Variants in FOXJ3 observed in about 807,000 individuals in gnomAD.
FOXJ3 encodes the protein forkhead box J3, also known as forkhead box protein J3.
In FOXJ3, 22 loss-of-function variants were observed where a neutral mutation model predicts 76.1. The observed-to-expected ratio is 0.29, with a 90% CI of 0.21 to 0.41. FOXJ3 has a LOEUF of 0.41. Among genes scored for constraint, FOXJ3 ranks in the 10% least tolerant of loss-of-function variants. The probability of loss-of-function intolerance (pLI) is 1.00; values close to 1 mark genes in which losing one functional copy is unlikely to be tolerated. For synonymous variants in FOXJ3, 269 were observed against 261.2 expected (o/e 1.03, Z -0.29); for missense variants, 613 against 762.1 (o/e 0.80, Z 2.30).
intron 3 of FOXJ3, among the ~76,000 whole-genome samples, chr1:42,268,603 C>T (rs548522722): frequency 5.3e-5 from 8 of 151,968 alleles, no homozygotes; most frequent in East Asian, 1.9e-4. Context: ...TAATTTATTA[C>T]GGAGTTTGGA....
At chr1:42,204,378 T>C (rs1372979778) in intron 6 of FOXJ3, among the ~76,000 whole-genome samples, 4 of 152,152 alleles carry the variant, frequency 2.6e-5, no homozygotes, top group African/African-American at 7.2e-5. Flanking sequence ...TATTCTGTCA[T>C]ATCTGGATGC....
chr1:42,181,533 C>G (rs926809883), intron 12 of FOXJ3, among the ~76,000 whole-genome samples: 1 of 152,158 alleles, frequency 6.6e-6, no homozygotes, highest in Non-Finnish European at 1.5e-5. Flanking sequence ...CTTAGAGAGG[C>G]AAGACAATAA....
intron 5 of FOXJ3, among the ~76,000 whole-genome samples, chr1:42,209,888 G>A (rs1395871545): frequency 6.6e-6 from 1 of 152,198 alleles, no homozygotes; most frequent in African/African-American, 2.4e-5. Flanking sequence ...AGGGGCAAGT[G>A]AGAAGTGTGC....
chr1:42,291,178 T>G (rs1402696833), intron 2 of FOXJ3, among the ~76,000 whole-genome samples: 1 of 152,132 alleles, frequency 6.6e-6, no homozygotes, highest in Non-Finnish European at 1.5e-5. Context: ...TTCAAAAAAT[T>G]ATGTTGAAAC....
intron 1 of FOXJ3, among the ~76,000 whole-genome samples, chr1:42,322,074 T>A (rs746899308): frequency 1.3e-5 from 2 of 151,218 alleles, no homozygotes; most frequent in African/African-American, 2.4e-5. Context: ...AAAAAAAAAA[T>A]CTAGCAGATA....
chr1:42,269,255 G>A (rs947975164), intron 3 of FOXJ3, among the ~76,000 whole-genome samples: 1 of 152,028 alleles, frequency 6.6e-6, no homozygotes, highest in East Asian at 1.9e-4. Context: ...AAAAAAGAAA[G>A]AGGCATCAGA....
At chr1:42,198,472 A>G (rs925953460) in intron 7 of FOXJ3, among the ~76,000 whole-genome samples, 2 of 152,208 alleles carry the variant, frequency 1.3e-5, no homozygotes, top group Non-Finnish European at 2.9e-5. Flanking sequence ...TGTGGTGTGT[A>G]GCTCTTGGGC....
chr1:42,324,626 G>A (rs1009601198), intron 1 of FOXJ3, among the ~76,000 whole-genome samples: 6 of 152,010 alleles, frequency 3.9e-5, no homozygotes, highest in African/African-American at 1.4e-4. Context: ...ACACACCCAT[G>A]CTATATGGTA....
At chr1:42,235,383 C>G (rs1345406951) in intron 4 of FOXJ3, among the ~76,000 whole-genome samples, 2 of 152,184 alleles carry the variant, frequency 1.3e-5, no homozygotes, top group Admixed American at 1.3e-4. Context: ...TGCTTCGGCT[C>G]ACGCTCGGTG....
intron 2 of FOXJ3, among the ~76,000 whole-genome samples, chr1:42,297,387 A>G (rs576378576): frequency 6.6e-6 from 1 of 152,286 alleles, no homozygotes; most frequent in East Asian, 1.9e-4. Flanking sequence ...CCCTTTCAAC[A>G]TGATGTTGTC....
At chr1:42,325,260 T>G (rs1184722100) in intron 1 of FOXJ3, among the ~76,000 whole-genome samples, 2 of 152,138 alleles carry the variant, frequency 1.3e-5, no homozygotes, top group Admixed American at 6.6e-5. Flanking sequence ...TTCCTTAAAT[T>G]TTCAGTATTT....
At chr1:42,294,663 G>A (rs1344885012) in intron 2 of FOXJ3, among the ~76,000 whole-genome samples, 1 of 150,758 alleles carries the variant, frequency 6.6e-6, no homozygotes, top group Admixed American at 6.7e-5. Flanking sequence ...TTGGGAGGCT[G>A]AGGCAGGAGA....
At chr1:42,290,255 A>G (rs1653333794) in intron 2 of FOXJ3, among the ~76,000 whole-genome samples, 1 of 152,154 alleles carries the variant, frequency 6.6e-6, no homozygotes. Context: ...AAAAATAAGT[A>G]GGAATAAGTT....
chr1:42,254,715 CA>C (rs1349831243), intron 4 of FOXJ3, among the ~76,000 whole-genome samples: 5 of 141,798 alleles, frequency 3.5e-5, no homozygotes, highest in Non-Finnish European at 1.5e-5. Flanking sequence ...ATCGCAAGGA[CA>C]AAAAACCAAA....
intron 2 of FOXJ3, among the ~76,000 whole-genome samples, chr1:42,291,890 C>T (rs1038141177): frequency 3.3e-5 from 5 of 152,170 alleles, no homozygotes; most frequent in Non-Finnish European, 2.9e-5. Context: ...AAGACTTGAA[C>T]AGGTACTTCA....
At position 42,227,885 on chromosome 1, in the gene FOXJ3, G is replaced by T; in HGVS notation, c.526C>A (p.Arg176=). 3 of 1,549,116 alleles carry T rather than the reference G, an allele frequency of 1.9e-6. No homozygotes were observed. The highest frequency in any genetic ancestry group is 1.3e-5 in the African/African-American group (1 of 74,204). The change falls in exon 5 of 13, where the codon CGG becomes AGG. Residue 176 remains arginine (R), a splice_region_variant and synonymous_variant. Transcript: ENST00000361346. The part of the protein sequence containing the change: ...RPKKRARSVE[R]ASTPYSIDSD... ...AATTTATGATAAAGAGCCTTTACCC[G>T]TTCTACAGATCGTGCCCTCTTCTTT...
At chr1:42,256,661 G>A (rs1295836140) in intron 4 of FOXJ3, among the ~76,000 whole-genome samples, 1 of 152,220 alleles carries the variant, frequency 6.6e-6, no homozygotes, top group Non-Finnish European at 1.5e-5. Flanking sequence ...AACCACTTTG[G>A]GAAAGGGTTT....
chr1:42,261,444 A>C (rs1006496475), intron 4 of FOXJ3, among the ~76,000 whole-genome samples: 3 of 152,114 alleles, frequency 2.0e-5, no homozygotes. Context: ...GCTTGAAATT[A>C]GTTGTAAAGA....
intron 5 of FOXJ3, among the ~76,000 whole-genome samples, chr1:42,211,840 C>T (rs1646971835): frequency 6.6e-6 from 1 of 152,108 alleles, no homozygotes; most frequent in African/African-American, 2.4e-5. Flanking sequence ...CACCCAGAAC[C>T]AAAGCTGGGT....
Sources: allele counts gnomAD v4.1 joint callset (sites outside exome capture counted in the v4.1 genomes callset), GRCh38; gene constraint gnomAD v4.1.1; transcripts MANE v1.5; gene names NCBI Gene and HGNC (gene_info 2026-07-23, HGNC 2026-07-21).